Variants in HNF4G observed in about 807,000 individuals in gnomAD.
HNF4G encodes hepatocyte nuclear factor 4 gamma.
HNF4G carries 21 observed loss-of-function variants against 50.9 expected under a neutral mutation model. The ratio of observed to expected loss-of-function variants is 0.41; its 90% CI spans 0.29 to 0.59. The LOEUF (loss-of-function observed/expected upper bound fraction) is 0.59. Ranked by LOEUF, HNF4G falls within the 20% of genes least tolerant of loss-of-function variation. The probability of loss-of-function intolerance (pLI) is 0.26; values close to 1 mark genes in which losing one functional copy is unlikely to be tolerated. For missense variants in HNF4G, 527 were observed against 559.4 expected, an observed-to-expected ratio of 0.94 and a Z score of 0.58; for synonymous variants, 198 against 185.6, an observed-to-expected ratio of 1.07 and a Z score of -0.54.
At chr8:75,494,101 G>A (rs896455131) in intron 2 of HNF4G, among the ~76,000 whole-genome samples, 1 of 152,104 alleles carries the variant, frequency 6.6e-6, no homozygotes, top group African/African-American at 2.4e-5. Context: ...AATTTACTAA[G>A]TTCATACTTT....
chr8:75,486,056 A>G (rs1049444209), intron 1 of HNF4G, among the ~76,000 whole-genome samples: 2 of 152,160 alleles, frequency 1.3e-5, no homozygotes, highest in African/African-American at 4.8e-5. Flanking sequence ...GCCCTGAATG[A>G]TTATATAGGG....
Position 75,551,461 on chromosome 8 carries a change from C to T in HNF4G, c.456C>T (p.Asn152=). 6.2e-7 allele frequency: 1 copy of T among 1,612,296 alleles called. No individual in the cohort carries two copies. Among genetic ancestry groups the T allele is most frequent in the South Asian group, 1.1e-5 (1 of 91,038 alleles). Residue 152 remains asparagine (N), a synonymous_variant, in exon 4 of 10, where the codon AAC becomes AAT. Coordinates refer to ENST00000396423, the MANE Select transcript of HNF4G (RefSeq NM_004133.5). ...TFDGSNIPSI[N]TLAQAEVRSR... ...ATGGCAGCAACATCCCCTCCATTAACACACTGGCACAAGCTGAAGTTCGGT... is the reference window on the plus strand; with the variant it reads ...ATGGCAGCAACATCCCCTCCATTAATACACTGGCACAAGCTGAAGTTCGGT...
At chr8:75,467,528 C>T (rs1423189475) in intron 1 of HNF4G, among the ~76,000 whole-genome samples, 1 of 152,016 alleles carries the variant, frequency 6.6e-6, no homozygotes, top group Non-Finnish European at 1.5e-5. Flanking sequence ...AGCGTGGTGG[C>T]ACACACCTGT....
At chr8:75,553,676 T>TGC (rs1807034334) in intron 5 of HNF4G, among the ~76,000 whole-genome samples, 1 of 151,966 alleles carries the variant, frequency 6.6e-6, no homozygotes, top group Non-Finnish European at 1.5e-5. Flanking sequence ...GCAATTAACA[T>TGC]AAAGTTTTAC....
intron 1 of HNF4G, among the ~76,000 whole-genome samples, chr8:75,474,727 T>G (rs1316805082): frequency 6.6e-6 from 1 of 152,124 alleles, no homozygotes; most frequent in Non-Finnish European, 1.5e-5. Flanking sequence ...TTATTTTTTG[T>G]CGCTCTGTTG....
chr8:75,478,708 CA>C (rs1812299994), intron 1 of HNF4G, among the ~76,000 whole-genome samples: 1 of 151,944 alleles, frequency 6.6e-6, no homozygotes, highest in African/African-American at 2.4e-5. Flanking sequence ...GATAGCTACG[CA>C]TCTTTTCTTT....
chr8:75,409,480 CTTTTTTTTTTTT>C (rs5892492), intron 1 of HNF4G, among the ~76,000 whole-genome samples: 2 of 67,346 alleles, frequency 3.0e-5, no homozygotes, highest in Non-Finnish European at 5.2e-5. Flanking sequence ...GTGCCTTGTT[CTTTTTTTTTTTT>C]TTTTTTTTTT....
Position 75,558,600 on chromosome 8 carries a change from A to C in HNF4G, c.816A>C (p.Arg272Ser). Residue 272 changes from arginine (R) to serine (S), a missense_variant, in exon 7 of 10, where the codon AGA (arginine) becomes AGC (serine). By Grantham distance (110) the Arg-to-Ser change is moderately radical. This residue lies in a region of HNF4G where 308 missense variants were observed against 301.5 expected (regional missense o/e 1.02). Transcript: ENST00000396423. ...ATCGTGTTCTAGATGAGCTGGTTAG[A>C]CCATTTCAAGAAATCCAGATTGATG... The part of the protein sequence containing the change: ...VANRVLDELV[R>S]PFQEIQIDDN... 6.2e-7 allele frequency: 1 copy of C among 1,613,964 alleles called. No homozygotes were observed. The highest frequency in any genetic ancestry group is 8.5e-7 in the Non-Finnish European group (1 of 1,179,872).
At chr8:75,413,919 G>A (rs1017940435) in intron 1 of HNF4G, among the ~76,000 whole-genome samples, 4 of 152,020 alleles carry the variant, frequency 2.6e-5, no homozygotes, top group African/African-American at 9.7e-5. Flanking sequence ...GTTGAGTCCT[G>A]GGGAAGTATT....
Position 75,412,119 on chromosome 8 carries a change from C to T in HNF4G, c.-144+3957C>T, listed in dbSNP as rs182813394. On this transcript the variant is annotated intron_variant, in intron 1 of 10. Coordinates refer to the HNF4G transcript ENST00000354370. Reference sequence around the variant, plus strand: ...CTTATAACTTCAGAAAATTGTGGACCGCTGGAAACCTGTCCAAGCCCTCTA... The same window carrying T: ...CTTATAACTTCAGAAAATTGTGGACTGCTGGAAACCTGTCCAAGCCCTCTA... Among the ~76,000 whole-genome samples, 200 of 152,168 alleles carry T rather than the reference C, an allele frequency of 1.3e-3. 6 individuals are homozygous for T. Among genetic ancestry groups the T allele is most frequent in the Admixed American group, 0.013 (194 of 15,272 alleles).
At chr8:75,472,243 T>C (rs1284170277) in intron 1 of HNF4G, among the ~76,000 whole-genome samples, 1 of 152,196 alleles carries the variant, frequency 6.6e-6, no homozygotes, top group African/African-American at 2.4e-5. Flanking sequence ...CAAGATTTAA[T>C]AATTTAGAAA....
intron 2 of HNF4G, among the ~76,000 whole-genome samples, chr8:75,523,420 G>C (rs186479265): frequency 1.3e-5 from 2 of 152,022 alleles, no homozygotes; most frequent in Non-Finnish European, 2.9e-5. Flanking sequence ...TGACTGCAAT[G>C]CCTCCTTTTT....
chr8:75,547,288 C>A (rs1201723477), intron 2 of HNF4G, among the ~76,000 whole-genome samples: 2 of 152,120 alleles, frequency 1.3e-5, no homozygotes, highest in Admixed American at 1.3e-4. Context: ...AACTTGAATG[C>A]CAAAGATATT....
At chr8:75,477,663 A>T (rs1812269964) in intron 1 of HNF4G, among the ~76,000 whole-genome samples, 1 of 151,644 alleles carries the variant, frequency 6.6e-6, no homozygotes, top group African/African-American at 2.4e-5. Context: ...TATATATATA[A>T]ATATATATTT....
chr8:75,504,230 GACACACACACACACACACACAC>G (rs201513424), intron 2 of HNF4G, among the ~76,000 whole-genome samples: 1 of 108,302 alleles, frequency 9.2e-6, no homozygotes, highest in Admixed American at 8.6e-5. Context: ...AAAGCACACA[GACACACACACACACACACACAC>G]ACACACACAC....
chr8:75,465,842 C>A (rs1317304922), intron 1 of HNF4G, among the ~76,000 whole-genome samples: 5 of 152,118 alleles, frequency 3.3e-5, no homozygotes, highest in African/African-American at 1.2e-4. Flanking sequence ...TCAATTCTTT[C>A]TTTACTTATT....
At chr8:75,429,133 A>G (rs531419449) in intron 1 of HNF4G, among the ~76,000 whole-genome samples, 1 of 152,316 alleles carries the variant, frequency 6.6e-6, no homozygotes, top group African/African-American at 2.4e-5. Flanking sequence ...GCTTGCCTAA[A>G]TGAATGGTTG....
intron 1 of HNF4G, among the ~76,000 whole-genome samples, chr8:75,482,349 TCTCCCCTCCC>T (rs1038790346): frequency 3.3e-5 from 5 of 152,062 alleles, no homozygotes; most frequent in African/African-American, 1.2e-4. Flanking sequence ...TCTCTTCTCC[TCTCCCCTCCC>T]CTCCCCTCCC....
intron 1 of HNF4G, among the ~76,000 whole-genome samples, chr8:75,475,451 T>C (rs1245292582): frequency 6.6e-6 from 1 of 152,178 alleles, no homozygotes; most frequent in Non-Finnish European, 1.5e-5. Flanking sequence ...TCTATATAAT[T>C]AAGAGAAAGA....
Sources: allele counts gnomAD v4.1 joint callset (sites outside exome capture counted in the v4.1 genomes callset), GRCh38; gene constraint gnomAD v4.1.1; regional missense constraint gnomAD v4.1.1; transcripts MANE v1.5; gene names NCBI Gene and HGNC (gene_info 2026-07-23, HGNC 2026-07-21).